The following SHOC1 variants were observed in gnomAD, a reference collection of about 807,000 sequenced individuals.
SHOC1 encodes the protein shortage in chiasmata 1.
SHOC1 carries 136 observed loss-of-function variants against 179.2 expected under a neutral mutation model. The observed-to-expected ratio is 0.76, with a 90% CI of 0.66 to 0.87. The LOEUF (loss-of-function observed/expected upper bound fraction) is 0.87, where lower values mean the gene tolerates loss of function less well. Among genes scored for constraint, SHOC1 ranks in the 40% least tolerant of loss-of-function variants. SHOC1 has a pLI of 0.00. For synonymous variants in SHOC1, 489 were observed against 586.6 expected, an observed-to-expected ratio of 0.83 and a Z score of 2.41; for missense variants, 1,538 against 1,700.8, an observed-to-expected ratio of 0.90 and a Z score of 1.68.
intron 5 of SHOC1, among the ~76,000 whole-genome samples, chr9:111,760,391 C>A (rs368468111): frequency 1.1e-4 from 16 of 152,068 alleles, no homozygotes; most frequent in Non-Finnish European, 1.9e-4. Flanking sequence ...ATGTACTATA[C>A]AGATATAAGG....
rs149338885 is a variant in SHOC1 at position 111,718,681 on chromosome 9, T to C, written c.2132-393A>G. Among the ~76,000 whole-genome samples the C allele has an allele frequency of 2.5e-3, 382 of 152,236 alleles. 2 individuals carry two copies. Among genetic ancestry groups the C allele is most frequent in the African/African-American group, 8.4e-3 (348 of 41,562 alleles). On this transcript the variant is annotated intron_variant, in intron 15 of 27. Coordinates refer to ENST00000682961, the MANE Select transcript of SHOC1 (RefSeq NM_001378211.1). ...GTTATGAAACAAGAATAAAAATAGATTCATAACTTGCCAACTGATTAAGAT... is the reference window on the plus strand; with the variant it reads ...GTTATGAAACAAGAATAAAAATAGACTCATAACTTGCCAACTGATTAAGAT...
At chr9:111,758,273 A>AT in intron 6 of SHOC1, 78 bp from the exon 7 acceptor site, 1 of 750,016 alleles carries the variant, frequency 1.3e-6, no homozygotes, top group Non-Finnish European at 2.1e-6. Flanking sequence ...ACACATAATC[A>AT]TTAAAATTAA....
chr9:111,726,420 G>C (rs926322220), intron 13 of SHOC1, among the ~76,000 whole-genome samples: 1 of 152,142 alleles, frequency 6.6e-6, no homozygotes, highest in Non-Finnish European at 1.5e-5. Context: ...GATCACATGT[G>C]TGTGCCACCA....
intron 27 of SHOC1, among the ~76,000 whole-genome samples, chr9:111,690,587 G>A (rs1325008694): frequency 6.6e-6 from 1 of 152,080 alleles, no homozygotes; most frequent in African/African-American, 2.4e-5. Flanking sequence ...ACATGAATAG[G>A]TCAGTAGAGA....
intron 12 of SHOC1, among the ~76,000 whole-genome samples, chr9:111,732,525 GATAA>G (rs1194626053): frequency 6.6e-6 from 1 of 152,120 alleles, no homozygotes; most frequent in Admixed American, 6.5e-5. Context: ...CAGGGGAATT[GATAA>G]ACAAACTGTG....
At chr9:111,781,245 A>C in intron 3 of SHOC1, 1 of 432,784 alleles carries the variant, frequency 2.3e-6, no homozygotes. Flanking sequence ...TGAACATATC[A>C]CCCTCATTTT....
chr9:111,758,674 A>C, intron 6 of SHOC1, 21 bp downstream of exon 6: 2 of 1,551,456 alleles, frequency 1.3e-6, no homozygotes, highest in Non-Finnish European at 1.7e-6. Context: ...TATTTACAGC[A>C]TTGGTCAATT....
In SHOC1 at chr9:111,714,582, C is replaced by G. The variant is rs10981034; in HGVS notation, c.2278G>C (p.Gly760Arg). 5.0e-6 allele frequency: 8 copies of G among 1,613,560 alleles called. No individual in the cohort carries two copies. Among genetic ancestry groups the G allele is most frequent in the Non-Finnish European group, 6.8e-6 (8 of 1,179,906 alleles). The change falls in exon 17 of 28, where the codon GGC (glycine) becomes CGC (arginine). Residue 760 changes from glycine (G) to arginine (R), a missense_variant. Gly to Arg is a moderately radical substitution (Grantham distance 125). Transcript: ENST00000682961. Reference protein sequence around the residue: ...KAKDIYNSILGPYLGDIWRQL... With the variant: ...KAKDIYNSILRPYLGDIWRQL... ...CTCCAAATGTCACCCAAATAGGGGC[C>G]TAAAATGCTGTTGTAGATATCTTTT...
intron 5 of SHOC1, chr9:111,759,322 A>G: frequency 6.4e-7 from 1 of 1,562,930 alleles, no homozygotes; most frequent in Non-Finnish European, 8.6e-7. Flanking sequence ...GTGCCTACAA[A>G]TGAGACTGAT....
At chr9:111,758,945 G>A in intron 5 of SHOC1, 97 bp from the exon 6 acceptor site, 4 of 884,810 alleles carry the variant, frequency 4.5e-6, no homozygotes, top group Non-Finnish European at 6.8e-6. Context: ...AGATACAGCT[G>A]GGTTTTTCAA....
At chr9:111,716,634 G>A (rs927525454) in intron 16 of SHOC1, among the ~76,000 whole-genome samples, 15 of 151,878 alleles carry the variant, frequency 9.9e-5, no homozygotes, top group Admixed American at 2.6e-4. Context: ...CAGGTGATCC[G>A]CCCACCTCAG....
At chr9:111,695,981 C>A (rs1831669407) in intron 24 of SHOC1, among the ~76,000 whole-genome samples, 1 of 151,960 alleles carries the variant, frequency 6.6e-6, no homozygotes, top group African/African-American at 2.4e-5. Context: ...ATTCTCAGGG[C>A]AAATGGGAAA....
At chr9:111,759,808 T>G (rs1464790682) in intron 5 of SHOC1, among the ~76,000 whole-genome samples, 1 of 152,172 alleles carries the variant, frequency 6.6e-6, no homozygotes, top group African/African-American at 2.4e-5. Context: ...AACTACATAA[T>G]TGGTATGCAG....
At chr9:111,791,506 C>T in intron 1 of SHOC1, 52 bp from the exon 2 acceptor site, 1 of 762,186 alleles carries the variant, frequency 1.3e-6, no homozygotes, top group Non-Finnish European at 1.9e-6. Flanking sequence ...AAGTCAAGTG[C>T]AGAAAATCTC....
chr9:111,687,650 C>G (rs1439190752), intron 27 of SHOC1, among the ~76,000 whole-genome samples: 1 of 152,174 alleles, frequency 6.6e-6, no homozygotes, highest in African/African-American at 2.4e-5. Flanking sequence ...CTCATTTTGA[C>G]AGACTTTGAA....
chr9:111,708,002 T>C (rs1161068325), intron 18 of SHOC1, 78 bp from the exon 19 acceptor site: 1 of 721,798 alleles, frequency 1.4e-6, no homozygotes, highest in Non-Finnish European at 2.2e-6. Context: ...TTCACTACCA[T>C]AAAAATGAAT....
intron 13 of SHOC1, among the ~76,000 whole-genome samples, chr9:111,725,379 AG>A (rs1319579934): frequency 6.6e-6 from 1 of 152,166 alleles, no homozygotes; most frequent in East Asian, 1.9e-4. Flanking sequence ...GATCTATTAA[AG>A]GCTAAGTTGG....
rs770537327 is a variant in SHOC1, at chr9:111,706,788, G to A, written c.2559-42C>T. ...GCCAAGAAAATGGCATTATACTTGT[G>A]TTATTATTTTGTTGAACTATTAAAA... On this transcript the variant is annotated intron_variant, in intron 19 of 27. Transcript: ENST00000682961. 1.7e-5 allele frequency: 24 copies of A among 1,383,462 alleles called. No individual in the cohort carries two copies. In the South Asian group the frequency reaches 3.6e-4, roughly 21 times the overall value. The allele number at this position is 1,383,462 out of a possible 1,614,324, so 85.7% of individuals were successfully genotyped here.
chr9:111,730,689 C>A (rs1833524856), intron 12 of SHOC1, among the ~76,000 whole-genome samples: 1 of 152,156 alleles, frequency 6.6e-6, no homozygotes, highest in African/African-American at 2.4e-5. Context: ...GTAGACTTAT[C>A]ATAATTCTTA....
Sources: gnomAD v4.1 joint callset for allele counts (sites outside exome capture counted in the v4.1 genomes callset) on GRCh38, gnomAD v4.1.1 for gene constraint, MANE v1.5 for transcripts, NCBI Gene and HGNC (gene_info 2026-07-23, HGNC 2026-07-21) for gene names.